Variants in NLGN1 observed in about 807,000 individuals in gnomAD.
NLGN1 encodes the protein neuroligin 1.
A neutral mutation model predicts 65.5 loss-of-function variants in NLGN1; 12 were observed. The observed-to-expected ratio is 0.18, with a 90% CI of 0.12 to 0.30. NLGN1 has a LOEUF of 0.30. NLGN1 is among the 10% of genes least tolerant of loss of function. NLGN1 has a pLI of 1.00. For synonymous variants in NLGN1, 350 were observed against 359.5 expected, an observed-to-expected ratio of 0.97 and a Z score of 0.30; for missense variants, 750 against 1,007.1, an observed-to-expected ratio of 0.74 and a Z score of 3.46.
chr3:174,072,596 C>T (rs553250878), intron 4 of NLGN1, among the ~76,000 whole-genome samples: 46 of 152,126 alleles, frequency 3.0e-4, no homozygotes, highest in Non-Finnish European at 5.4e-4. Flanking sequence ...AATTGAGCAA[C>T]GGGAATGTGA....
At chr3:173,618,512 T>G (rs1560060539) in intron 3 of NLGN1, among the ~76,000 whole-genome samples, 3 of 152,254 alleles carry the variant, frequency 2.0e-5, no homozygotes, top group African/African-American at 7.2e-5. Context: ...TTATTAGATA[T>G]TAGCAACCAC....
At chr3:173,823,585 G>A (rs910682117) in intron 4 of NLGN1, among the ~76,000 whole-genome samples, 2 of 151,836 alleles carry the variant, frequency 1.3e-5, no homozygotes, top group African/African-American at 2.4e-5. Context: ...ACTGTTTGGC[G>A]CTGCTTCATT....
chr3:174,224,785 T>C (rs1177407450), intron 4 of NLGN1, among the ~76,000 whole-genome samples: 1 of 152,170 alleles, frequency 6.6e-6, no homozygotes, highest in Non-Finnish European at 1.5e-5. Flanking sequence ...CGAACTTTTT[T>C]TGCACTAGGC....
At chr3:173,838,002 TTTAA>T (rs1723994007) in intron 4 of NLGN1, among the ~76,000 whole-genome samples, 1 of 152,180 alleles carries the variant, frequency 6.6e-6, no homozygotes, top group Non-Finnish European at 1.5e-5. Flanking sequence ...CTGAAAAATA[TTTAA>T]TTAGTCTAAT....
intron 4 of NLGN1, 111 bp downstream of exon 4, chr3:173,807,943 GT>G (rs1717018510): frequency 3.7e-6 from 4 of 1,067,690 alleles, no homozygotes; most frequent in Non-Finnish European, 5.5e-6. Context: ...TTTTATGCGT[GT>G]TGACATTCTC....
intron 4 of NLGN1, among the ~76,000 whole-genome samples, chr3:174,169,006 C>T (rs894692666): frequency 1.3e-5 from 2 of 152,152 alleles, no homozygotes; most frequent in Non-Finnish European, 2.9e-5. Context: ...AATCTCCACA[C>T]AGGAGGGGTG....
chr3:174,133,893 A>AACACACACACACAC (rs5854553), intron 4 of NLGN1, among the ~76,000 whole-genome samples: 2,719 of 144,848 alleles, frequency 0.019, 39 homozygotes, highest in East Asian at 0.054. Flanking sequence ...CACCCCACAA[A>AACACACACACACAC]ACACACACAC....
chr3:173,604,272 T>A lies in NLGN1; in HGVS notation c.-320-7T>A, dbSNP rs1229289011. 3.3e-5 allele frequency: 9 copies of A among 269,764 alleles called. No homozygotes were observed. Among genetic ancestry groups the A allele is most frequent in the Non-Finnish European group, 6.3e-5 (9 of 142,102 alleles). The allele number at this position is 269,764 out of a possible 1,614,324, so 16.7% of individuals were successfully genotyped here. A position where few individuals can be genotyped will look rare whatever the true frequency, so the allele number is the denominator to read the frequency against. On this transcript the variant is annotated splice_polypyrimidine_tract_variant and splice_region_variant and intron_variant, in intron 2 of 6. Transcript: ENST00000457714. ...TCCAGCTCATGATTTATTTTCATTTTTTCTAGGATATAGACCTGCAGCTAA... is the reference window on the plus strand; with the variant it reads ...TCCAGCTCATGATTTATTTTCATTTATTCTAGGATATAGACCTGCAGCTAA...
chr3:174,087,422 G>A (rs570863034), intron 4 of NLGN1, among the ~76,000 whole-genome samples: 1 of 152,214 alleles, frequency 6.6e-6, no homozygotes, highest in East Asian at 1.9e-4. Flanking sequence ...CAATGCATGC[G>A]TATTCTGCTG....
Position 174,133,893 on chromosome 3 carries a change from A to AACACACACACACACACACACACAC in NLGN1, c.647-141412_647-141389dup, listed in dbSNP as rs5854553. 9.0e-4 allele frequency among the ~76,000 whole-genome samples: 130 copies of AACACACACACACACACACACACAC among 144,898 alleles called. 1 individual carries two copies. Among genetic ancestry groups the AACACACACACACACACACACACAC allele is most frequent in the Non-Finnish European group, 1.4e-3 (91 of 66,240 alleles). On this transcript the variant is annotated intron_variant, in intron 4 of 6. Transcript: ENST00000457714. ...ATCTCTCCCCCACCACACCCCACAA[A>AACACACACACACACACACACACAC]ACACACACACACACACACACACACA...
chr3:173,722,920 G>A (rs971142835), intron 3 of NLGN1, among the ~76,000 whole-genome samples: 2 of 152,018 alleles, frequency 1.3e-5, no homozygotes, highest in Admixed American at 6.6e-5. Flanking sequence ...TATAAAACGT[G>A]GAAAAATTAA....
chr3:173,423,565 T>C (rs985780952), intron 1 of NLGN1, among the ~76,000 whole-genome samples: 5 of 152,152 alleles, frequency 3.3e-5, no homozygotes, highest in Non-Finnish European at 7.4e-5. Context: ...CATAGGCCCC[T>C]TGAAAGTCCA....
At chr3:173,851,425 A>T (rs968448689) in intron 4 of NLGN1, among the ~76,000 whole-genome samples, 14 of 152,142 alleles carry the variant, frequency 9.2e-5, no homozygotes, top group Admixed American at 8.5e-4. Flanking sequence ...CTTGATTTTG[A>T]TACTTTTTTG....
intron 4 of NLGN1, among the ~76,000 whole-genome samples, chr3:174,187,268 A>G (rs762115588): frequency 1.3e-5 from 2 of 151,976 alleles, no homozygotes; most frequent in South Asian, 2.1e-4. Flanking sequence ...TGACCCCCAT[A>G]TTAGGAGTTA....
intron 3 of NLGN1, among the ~76,000 whole-genome samples, chr3:173,736,653 TA>T (rs34507331): frequency 1.5e-4 from 22 of 148,932 alleles, no homozygotes; most frequent in Admixed American, 3.4e-4. Flanking sequence ...CCATTGCAGA[TA>T]AAAAAAAAAT....
At chr3:174,132,018 CA>C (rs1355619083) in intron 4 of NLGN1, among the ~76,000 whole-genome samples, 4 of 152,170 alleles carry the variant, frequency 2.6e-5, no homozygotes, top group African/African-American at 7.2e-5. Flanking sequence ...TTGGATATAA[CA>C]GAAAAGGAAT....
intron 3 of NLGN1, among the ~76,000 whole-genome samples, chr3:173,625,483 C>A (rs1455744972): frequency 6.6e-6 from 1 of 152,090 alleles, no homozygotes; most frequent in Non-Finnish European, 1.5e-5. Flanking sequence ...CATGCTTTTG[C>A]ACTTTTCCAA....
intron 2 of NLGN1, among the ~76,000 whole-genome samples, chr3:173,452,418 C>T (rs1337459319): frequency 1.3e-5 from 2 of 152,110 alleles, no homozygotes; most frequent in Admixed American, 6.5e-5. Context: ...GATCTCCTGA[C>T]CTCATGATCC....
At chr3:173,975,872 C>T (rs529971282) in intron 4 of NLGN1, among the ~76,000 whole-genome samples, 113 of 152,048 alleles carry the variant, frequency 7.4e-4, no homozygotes, top group African/African-American at 2.5e-3. Context: ...CCACTAGAAA[C>T]GAAGTTTCTT....
Sources: gnomAD v4.1 joint callset for allele counts (sites outside exome capture counted in the v4.1 genomes callset) on GRCh38, gnomAD v4.1.1 for gene constraint, MANE v1.5 for transcripts, NCBI Gene and HGNC (gene_info 2026-07-23, HGNC 2026-07-21) for gene names.